The following RAB2A variants were observed in gnomAD, a reference collection of about 807,000 sequenced individuals.
RAB2A encodes the protein ras-related protein Rab-2A.
Under a neutral mutation model 32.5 loss-of-function variants are expected in RAB2A, and 7 were observed. The ratio of observed to expected loss-of-function variants is 0.22; its 90% CI spans 0.12 to 0.40. RAB2A has a LOEUF of 0.40. Among genes scored for constraint, RAB2A ranks in the 10% least tolerant of loss-of-function variants. The pLI, the probability that RAB2A is intolerant of heterozygous loss-of-function variation, is 1.00. For synonymous variants in RAB2A, 79 were observed against 85.2 expected (o/e 0.93, Z 0.40); for missense variants, 108 against 260.7 (o/e 0.41, Z 4.03).
At chr8:60,527,841 G>A (rs547263063) in intron 1 of RAB2A, among the ~76,000 whole-genome samples, 11 of 152,200 alleles carry the variant, frequency 7.2e-5, no homozygotes, top group East Asian at 3.9e-4. Flanking sequence ...ACAGTATAGC[G>A]AGTGTAAATA....
At chr8:60,558,783 A>G (rs775229068) in intron 1 of RAB2A, 69 bp from the exon 2 acceptor site, 2 of 1,333,428 alleles carry the variant, frequency 1.5e-6, no homozygotes, top group East Asian at 2.3e-5. Flanking sequence ...CCTCTTTTCC[A>G]TGTCCTTTTT....
chr8:60,566,869 T>G (rs1808122615), intron 2 of RAB2A, among the ~76,000 whole-genome samples: 1 of 152,182 alleles, frequency 6.6e-6, no homozygotes, highest in African/African-American at 2.4e-5. Flanking sequence ...AGTATTTGAT[T>G]TTTTGAGTTA....
chr8:60,533,416 T>G (rs1807507069), intron 1 of RAB2A, among the ~76,000 whole-genome samples: 1 of 152,134 alleles, frequency 6.6e-6, no homozygotes, highest in Non-Finnish European at 1.5e-5. Flanking sequence ...CATTTTAACC[T>G]AAAAAAGAAG....
intron 1 of RAB2A, among the ~76,000 whole-genome samples, chr8:60,547,216 A>G (rs1353111850): frequency 6.6e-6 from 1 of 152,122 alleles, no homozygotes; most frequent in Non-Finnish European, 1.5e-5. Flanking sequence ...GTTGGGGGTA[A>G]GGTCACCGAT....
chr8:60,579,380 T>C (rs1378194362), intron 3 of RAB2A, among the ~76,000 whole-genome samples: 3 of 152,162 alleles, frequency 2.0e-5, no homozygotes, highest in African/African-American at 7.2e-5. Flanking sequence ...ACAGTTATAT[T>C]GTGAGCCAAG....
At chr8:60,542,058 G>GA (rs1327490927) in intron 1 of RAB2A, among the ~76,000 whole-genome samples, 3 of 152,040 alleles carry the variant, frequency 2.0e-5, no homozygotes, top group Non-Finnish European at 4.4e-5. Flanking sequence ...TAAAAATCAG[G>GA]AAAAAATTTT....
At chr8:60,609,960 CAA>C (rs5891772) in intron 6 of RAB2A, among the ~76,000 whole-genome samples, 18,156 of 80,594 alleles carry the variant, frequency 0.23, 1,303 homozygotes, top group African/African-American at 0.3. Context: ...CCCTGTGTCT[CAA>C]AAAAAAAAAA....
chr8:60,562,872 G>A (rs1808045039), intron 2 of RAB2A, among the ~76,000 whole-genome samples: 1 of 152,050 alleles, frequency 6.6e-6, no homozygotes, highest in Non-Finnish European at 1.5e-5. Flanking sequence ...TACATTGAAA[G>A]GGTATTCAGT....
At chr8:60,589,995 T>A (rs1252443795) in intron 5 of RAB2A, among the ~76,000 whole-genome samples, 1 of 151,992 alleles carries the variant, frequency 6.6e-6, no homozygotes, top group Non-Finnish European at 1.5e-5. Flanking sequence ...GGAGTCTCAC[T>A]CTGTCGCCCA....
intron 3 of RAB2A, among the ~76,000 whole-genome samples, chr8:60,582,752 T>G (rs1803782755): frequency 6.6e-6 from 1 of 152,144 alleles, no homozygotes; most frequent in Admixed American, 6.5e-5. Context: ...ATGCAGGAAG[T>G]TGCAAATTTT....
chr8:60,618,717 T>A, intron 7 of RAB2A, 69 bp downstream of exon 7: 1 of 557,428 alleles, frequency 1.8e-6, no homozygotes, highest in Non-Finnish European at 2.5e-6. Context: ...TTTTATATTT[T>A]TTATTTTATA....
chr8:60,608,838 A>G (rs72650422), intron 6 of RAB2A, among the ~76,000 whole-genome samples: 22,576 of 151,950 alleles, frequency 0.15, 1,837 homozygotes, highest in East Asian at 0.26. Flanking sequence ...CAGATCCTCT[A>G]TTCTATAGTG....
At chr8:60,538,617 A>G (rs1376062205) in intron 1 of RAB2A, among the ~76,000 whole-genome samples, 1 of 152,212 alleles carries the variant, frequency 6.6e-6, no homozygotes, top group African/African-American at 2.4e-5. Context: ...TGTCAGAGAC[A>G]TTAACTAAGG....
At chr8:60,571,356 C>G (rs1204249750) in intron 2 of RAB2A, among the ~76,000 whole-genome samples, 1 of 152,084 alleles carries the variant, frequency 6.6e-6, no homozygotes, top group Non-Finnish European at 1.5e-5. Context: ...TATCTGTACA[C>G]AAAAGAATAT....
chr8:60,591,711 A>G (rs1803947977), intron 5 of RAB2A, 147 bp from the exon 6 acceptor site: 1 of 543,364 alleles, frequency 1.8e-6, no homozygotes, highest in Admixed American at 3.1e-5. Context: ...ACTAACCCTC[A>G]TAATACCCTG....
chr8:60,584,205 C>T lies in RAB2A; in HGVS notation c.187-3C>T. The T allele has an allele frequency of 6.3e-7, 1 of 1,594,622 alleles. No individual in the cohort carries two copies. The highest frequency in any genetic ancestry group is 8.6e-7 in the Non-Finnish European group (1 of 1,162,964). ...AACTCTCCAACCTTTTTTTTCGTTACAGGCAGGGCAAGAATCCTTTCGTTC... is the reference window on the plus strand; with the variant it reads ...AACTCTCCAACCTTTTTTTTCGTTATAGGCAGGGCAAGAATCCTTTCGTTC... On this transcript the variant is annotated splice_region_variant and splice_polypyrimidine_tract_variant and intron_variant, in intron 3 of 7. Transcript: ENST00000262646.
intron 6 of RAB2A, among the ~76,000 whole-genome samples, chr8:60,617,882 C>G (rs1804473229): frequency 6.6e-6 from 1 of 152,200 alleles, no homozygotes; most frequent in African/African-American, 2.4e-5. Flanking sequence ...TCCCCTTTTT[C>G]TCTTCCATCT....
intron 1 of RAB2A, among the ~76,000 whole-genome samples, chr8:60,553,501 C>T (rs1207374885): frequency 3.9e-5 from 6 of 152,166 alleles, no homozygotes; most frequent in Admixed American, 3.9e-4. Flanking sequence ...ATTATGCACA[C>T]AGAAAAATGC....
At chr8:60,531,798 A>ATT (rs11320293) in intron 1 of RAB2A, among the ~76,000 whole-genome samples, 5,280 of 129,654 alleles carry the variant, frequency 0.041, 129 homozygotes, top group Middle Eastern at 0.088. Context: ...TTCTACCTTG[A>ATT]TTTTTTTTTT....
Sources: gnomAD v4.1 joint callset for allele counts (sites outside exome capture counted in the v4.1 genomes callset) on GRCh38, gnomAD v4.1.1 for gene constraint, MANE v1.5 for transcripts, NCBI Gene and HGNC (gene_info 2026-07-23, HGNC 2026-07-21) for gene names.